The following ANXA4 variants were observed in gnomAD, a reference collection of about 807,000 sequenced individuals.
ANXA4 encodes the protein 35-beta calcimedin.
A neutral mutation model predicts 49.8 loss-of-function variants in ANXA4; 39 were observed. The ratio of observed to expected loss-of-function variants is 0.78; its 90% confidence interval spans 0.61 to 1.02. ANXA4 has a LOEUF of 1.02. ANXA4 is among the 50% of genes least tolerant of loss of function. The probability of loss-of-function intolerance (pLI) is 0.00; values close to 1 mark genes in which losing one functional copy is unlikely to be tolerated. For missense variants in ANXA4, 360 were observed against 410.1 expected (o/e 0.88, Z 1.05); for synonymous variants, 134 against 152.5 (o/e 0.88, Z 0.89).
At chr2:69,647,382 T>TTTTTA (rs1204691858) in intron 1 of ANXA4, among the ~76,000 whole-genome samples, 1 of 144,474 alleles carries the variant, frequency 6.9e-6, no homozygotes, top group East Asian at 2.0e-4. Flanking sequence ...TATTGTTTTA[T>TTTTTA]TTTTATTTTA....
chr2:69,740,414 C>T (rs1670354783), upstream of ANXA4, among the ~76,000 whole-genome samples: 1 of 151,716 alleles, frequency 6.6e-6, no homozygotes, highest in Non-Finnish European at 1.5e-5. Flanking sequence ...CATTTTTTTT[C>T]CTACTGTTTG....
At chr2:69,784,804 T>G (rs988790393) in intron 2 of ANXA4, among the ~76,000 whole-genome samples, 1 of 152,182 alleles carries the variant, frequency 6.6e-6, no homozygotes, top group Non-Finnish European at 1.5e-5. Context: ...TCCTAGCTAT[T>G]CCTTGGCTTG....
At chr2:69,824,330 C>T (rs1419468867) in intron 12 of ANXA4, among the ~76,000 whole-genome samples, 1 of 151,708 alleles carries the variant, frequency 6.6e-6, no homozygotes, top group Non-Finnish European at 1.5e-5. Context: ...TGGTGAAACC[C>T]TGTCTCTACT....
intron 2 of ANXA4, among the ~76,000 whole-genome samples, chr2:69,661,676 T>A (rs1293126241): frequency 1.3e-5 from 2 of 151,958 alleles, no homozygotes; most frequent in African/African-American, 2.4e-5. Flanking sequence ...TTAGCAGACC[T>A]GAGAAAGCTG....
chr2:69,698,414 A>G (rs1055570556), intron 2 of ANXA4, among the ~76,000 whole-genome samples: 4 of 152,030 alleles, frequency 2.6e-5, no homozygotes, highest in Non-Finnish European at 5.9e-5. Flanking sequence ...AACTCCCTCC[A>G]TTTCCTTGGC....
chr2:69,662,784 T>C (rs1676769403), intron 2 of ANXA4, among the ~76,000 whole-genome samples: 1 of 152,062 alleles, frequency 6.6e-6, no homozygotes, highest in Admixed American at 6.6e-5. Context: ...CAGGCAGCTT[T>C]GTAGACCTCA....
upstream of ANXA4, among the ~76,000 whole-genome samples, chr2:69,740,269 C>G (rs973195341): frequency 3.3e-5 from 5 of 152,080 alleles, no homozygotes; most frequent in African/African-American, 4.8e-5. Flanking sequence ...CTCCCAAACT[C>G]CTAGCCTCAA....
At chr2:69,658,160 G>A (rs1479466053) in intron 2 of ANXA4, among the ~76,000 whole-genome samples, 1 of 152,066 alleles carries the variant, frequency 6.6e-6, no homozygotes, top group Non-Finnish European at 1.5e-5. Flanking sequence ...CACTTTGAAA[G>A]GCTGAGGCAG....
intron 2 of ANXA4, among the ~76,000 whole-genome samples, chr2:69,713,113 T>C (rs891521028): frequency 6.6e-6 from 1 of 152,096 alleles, no homozygotes; most frequent in Non-Finnish European, 1.5e-5. Flanking sequence ...TCCAAAGCCT[T>C]ACTCTCAACC....
intron 1 of ANXA4, among the ~76,000 whole-genome samples, chr2:69,774,839 G>A (rs997337463): frequency 6.6e-6 from 1 of 152,166 alleles, no homozygotes; most frequent in Non-Finnish European, 1.5e-5. Context: ...AGACCTTAGT[G>A]TGGCTTTTGT....
chr2:69,716,583 G>C (rs1490283774), intron 2 of ANXA4, among the ~76,000 whole-genome samples: 1 of 152,108 alleles, frequency 6.6e-6, no homozygotes, highest in Non-Finnish European at 1.5e-5. Flanking sequence ...AGCCCCCAAA[G>C]GGTTTCAAGC....
intron 2 of ANXA4, among the ~76,000 whole-genome samples, chr2:69,675,245 T>A (rs77760176): frequency 0.016 from 2,400 of 152,258 alleles, 64 homozygotes; most frequent in African/African-American, 0.056. Context: ...TTTTCCTCAG[T>A]CATCCTGCCC....
chr2:69,663,158 A>AT (rs367686307), intron 2 of ANXA4, among the ~76,000 whole-genome samples: 63 of 148,460 alleles, frequency 4.2e-4, no homozygotes, highest in Admixed American at 1.1e-3. Flanking sequence ...ACGCCCAGCT[A>AT]TTTTTTTTTG....
intron 2 of ANXA4, among the ~76,000 whole-genome samples, chr2:69,658,961 G>A (rs1676611011): frequency 6.6e-6 from 1 of 152,180 alleles, no homozygotes; most frequent in Non-Finnish European, 1.5e-5. Context: ...CTCCCAAAGT[G>A]CTGGGATTAC....
At chr2:69,730,226 G>T (rs1670060747) in intron 3 of ANXA4, among the ~76,000 whole-genome samples, 1 of 152,140 alleles carries the variant, frequency 6.6e-6, no homozygotes, top group Non-Finnish European at 1.5e-5. Flanking sequence ...GGAGGGCTGG[G>T]CATGGTGGCT....
rs1005298016 is a variant in ANXA4 at position 69,826,701 on chromosome 2, C to A, written c.*1186C>A. On this transcript the variant is annotated 3_prime_UTR_variant, in exon 13 of 13. Transcript: ENST00000394295. ...TCGGAGGCTGAGTCAGGGAGAACTG[C>A]TTGAACCCAGGAGGCAGGAGGCAAA... 6.6e-6 allele frequency: 1 copy of A among 150,882 alleles called. No individual in the cohort carries two copies. The highest frequency in any genetic ancestry group is 6.6e-5 in the Admixed American group (1 of 15,082). The allele number at this position is 150,882 out of a possible 1,614,324, so 9.3% of individuals were successfully genotyped here.
chr2:69,655,569 C>T (rs1676406012), intron 2 of ANXA4, among the ~76,000 whole-genome samples: 1 of 152,174 alleles, frequency 6.6e-6, no homozygotes, highest in South Asian at 2.1e-4. Context: ...AACGGTTTTA[C>T]ACTGTTGGTG....
At chr2:69,692,204 G>A (rs1677999279) in intron 2 of ANXA4, among the ~76,000 whole-genome samples, 1 of 152,176 alleles carries the variant, frequency 6.6e-6, no homozygotes. Context: ...TTTTTTTAAA[G>A]AAAATTTCAG....
At chr2:69,679,346 C>A (rs1480254508) in intron 2 of ANXA4, among the ~76,000 whole-genome samples, 1 of 152,042 alleles carries the variant, frequency 6.6e-6, no homozygotes, top group Non-Finnish European at 1.5e-5. Context: ...TCTCCTTTGC[C>A]CACTTTTCAG....
Sources: gnomAD v4.1 joint callset for allele counts (sites outside exome capture counted in the v4.1 genomes callset) on GRCh38, gnomAD v4.1.1 for gene constraint, MANE v1.5 for transcripts, NCBI Gene and HGNC (gene_info 2026-07-23, HGNC 2026-07-21) for gene names.